SGCD: variants seen among roughly 807,000 people sequenced by gnomAD.
The protein encoded by SGCD is sarcoglycan delta.
In SGCD, 18 loss-of-function variants were observed where a neutral mutation model predicts 36.6. The ratio of observed to expected loss-of-function variants is 0.49; its 90% CI spans 0.34 to 0.73. The LOEUF (loss-of-function observed/expected upper bound fraction) is 0.73. SGCD is among the 30% of genes least tolerant of loss of function. The pLI, the probability that SGCD is intolerant of heterozygous loss-of-function variation, is 0.01. For missense variants in SGCD, 387 were observed against 346.7 expected, an observed-to-expected ratio of 1.12 and a Z score of -0.92; for synonymous variants, 133 against 130.6, an observed-to-expected ratio of 1.02 and a Z score of -0.12.
At chr5:156,070,167 G>A (rs1760497433) in intron 1 of SGCD, among the ~76,000 whole-genome samples, 1 of 149,300 alleles carries the variant, frequency 6.7e-6, no homozygotes, top group Admixed American at 6.6e-5. Context: ...CCAACACTAT[G>A]TTGAATAGGA....
At chr5:156,451,833 A>G (rs1754033248) in intron 3 of SGCD, among the ~76,000 whole-genome samples, 1 of 152,110 alleles carries the variant, frequency 6.6e-6, no homozygotes, top group African/African-American at 2.4e-5. Flanking sequence ...AATAATGAAA[A>G]TATTTCTACC....
rs59447337 is a variant in SGCD at position 156,747,042 on chromosome 5, G to A, written c.576-10539G>A. On this transcript the variant is annotated intron_variant, in intron 7 of 8. Coordinates refer to ENST00000337851, the MANE Select transcript of SGCD (RefSeq NM_000337.6). ...AAGTACCCTAATTGTAAAAAGTTGG[G>A]GGAGAGATTTAAATAGACCCCTTCC... Among the ~76,000 whole-genome samples, 1,191 of 152,080 alleles carry A rather than the reference G, an allele frequency of 7.8e-3. 15 individuals are homozygous for A. The highest frequency in any genetic ancestry group is 0.027 in the African/African-American group (1,134 of 41,492).
intron 7 of SGCD, among the ~76,000 whole-genome samples, chr5:156,742,801 G>T (rs1389445678): frequency 6.6e-6 from 1 of 151,218 alleles, no homozygotes; most frequent in East Asian, 1.9e-4. Context: ...TCTCAAGTAG[G>T]CAGGCAGGCA....
intron 3 of SGCD, among the ~76,000 whole-genome samples, chr5:156,228,660 G>A (rs531866852): frequency 6.6e-6 from 1 of 152,108 alleles, no homozygotes; most frequent in East Asian, 1.9e-4. Flanking sequence ...GAGATGTGAG[G>A]TACCATTCCA....
intron 1 of SGCD, among the ~76,000 whole-genome samples, chr5:156,000,075 C>T (rs1338117979): frequency 6.6e-6 from 1 of 152,180 alleles, no homozygotes; most frequent in Non-Finnish European, 1.5e-5. Flanking sequence ...GTGCACATAG[C>T]TTCAGCCCTG....
At chr5:155,869,763 G>A (rs985873082), upstream of SGCD, among the ~76,000 whole-genome samples, 3 of 152,074 alleles carry the variant, frequency 2.0e-5, no homozygotes, top group Non-Finnish European at 4.4e-5. Context: ...AACTTTGAGA[G>A]GCCAAGGTGG....
intron 1 of SGCD, among the ~76,000 whole-genome samples, chr5:155,872,501 G>A (rs1561633533): frequency 6.6e-6 from 1 of 152,108 alleles, no homozygotes; most frequent in East Asian, 1.9e-4. Context: ...CTGTTAAAGA[G>A]ACAGCCAACA....
At chr5:156,032,585 G>A (rs1019408741) in intron 1 of SGCD, among the ~76,000 whole-genome samples, 1 of 151,432 alleles carries the variant, frequency 6.6e-6, no homozygotes, top group Admixed American at 6.6e-5. Context: ...GGGCGTGGTG[G>A]CAGGCGCCGG....
chr5:156,377,239 G>A (rs557727940), intron 3 of SGCD, among the ~76,000 whole-genome samples: 1 of 152,218 alleles, frequency 6.6e-6, no homozygotes, highest in South Asian at 2.1e-4. Context: ...GAATCTTCTA[G>A]AATGTGGTTT....
At chr5:156,139,230 G>A (rs1000503924) in intron 3 of SGCD, among the ~76,000 whole-genome samples, 3 of 151,808 alleles carry the variant, frequency 2.0e-5, no homozygotes, top group Non-Finnish European at 4.4e-5. Context: ...TGCTTTTTTT[G>A]TTCTACCTCA....
At chr5:156,745,740 AAAAG>A (rs1756913652) in intron 7 of SGCD, among the ~76,000 whole-genome samples, 1 of 152,218 alleles carries the variant, frequency 6.6e-6, no homozygotes, top group Non-Finnish European at 1.5e-5. Flanking sequence ...AACACATTAG[AAAAG>A]AAATGAAACA....
At chr5:156,388,076 G>A (rs1356095964) in intron 3 of SGCD, among the ~76,000 whole-genome samples, 5 of 152,174 alleles carry the variant, frequency 3.3e-5, no homozygotes, top group Non-Finnish European at 5.9e-5. Context: ...TTTAAGAGCT[G>A]TGTAAGTTGG....
chr5:156,711,102 C>T (rs1467371201), intron 7 of SGCD, among the ~76,000 whole-genome samples: 1 of 152,054 alleles, frequency 6.6e-6, no homozygotes, highest in Non-Finnish European at 1.5e-5. Flanking sequence ...CCCTGAATTA[C>T]CAAGGGAGAA....
intron 4 of SGCD, among the ~76,000 whole-genome samples, chr5:156,558,908 A>C (rs1003607096): frequency 6.6e-6 from 1 of 152,184 alleles, no homozygotes; most frequent in Admixed American, 6.5e-5. Context: ...GAAAAGTTCT[A>C]TACTCATTGA....
chr5:156,126,865 G>A (rs776233807), intron 3 of SGCD, among the ~76,000 whole-genome samples: 1 of 152,198 alleles, frequency 6.6e-6, no homozygotes, highest in Non-Finnish European at 1.5e-5. Context: ...ATCTGAGCTT[G>A]TTAGGCATGC....
chr5:155,996,568 A>G (rs2127566413), intron 1 of SGCD, among the ~76,000 whole-genome samples: 1 of 152,252 alleles, frequency 6.6e-6, no homozygotes, highest in Non-Finnish European at 1.5e-5. Flanking sequence ...ACTTAAGGCC[A>G]GGAGTTCAAG....
At chr5:156,737,177 G>T (rs17053873) in intron 7 of SGCD, among the ~76,000 whole-genome samples, 19,144 of 152,062 alleles carry the variant, frequency 0.13, 2,261 homozygotes, top group African/African-American at 0.31. Context: ...CTCAATTTTA[G>T]CTGATTACAA....
intron 3 of SGCD, among the ~76,000 whole-genome samples, chr5:156,249,144 A>T (rs1765512864): frequency 6.6e-6 from 1 of 152,224 alleles, no homozygotes; most frequent in African/African-American, 2.4e-5. Context: ...CCAAGCCATG[A>T]ATGGTGAGAT....
intron 3 of SGCD, among the ~76,000 whole-genome samples, chr5:156,482,720 A>T (rs1315659394): frequency 6.6e-6 from 1 of 152,078 alleles, no homozygotes; most frequent in Admixed American, 6.5e-5. Flanking sequence ...AACATTTATA[A>T]AACACTTTTC....
Sources: gnomAD v4.1 joint callset for allele counts (sites outside exome capture counted in the v4.1 genomes callset) on GRCh38, gnomAD v4.1.1 for gene constraint, MANE v1.5 for transcripts, NCBI Gene and HGNC (gene_info 2026-07-23, HGNC 2026-07-21) for gene names.